Variants in ADAM12 observed in about 807,000 individuals in gnomAD.
ADAM12 encodes ADAM metallopeptidase domain 12.
Under a neutral mutation model 106.4 loss-of-function variants are expected in ADAM12, and 70 were observed. The ratio of observed to expected loss-of-function variants is 0.66; its 90% CI spans 0.54 to 0.80. The LOEUF (loss-of-function observed/expected upper bound fraction) is 0.80. Among genes scored for constraint, ADAM12 ranks in the 30% least tolerant of loss-of-function variants. ADAM12 has a pLI of 0.00. For synonymous variants in ADAM12, 420 were observed against 433.5 expected, an observed-to-expected ratio of 0.97 and a Z score of 0.39; for missense variants, 1,010 against 1,171.9, an observed-to-expected ratio of 0.86 and a Z score of 2.02.
chr10:126,107,063 AAC>A (rs1294935226), intron 8 of ADAM12, among the ~76,000 whole-genome samples: 11 of 152,120 alleles, frequency 7.2e-5, no homozygotes, highest in Admixed American at 2.6e-4. Flanking sequence ...CATGTACACA[AAC>A]ACACATACAT....
At chr10:126,165,626 G>T (rs776252360) in intron 3 of ADAM12, among the ~76,000 whole-genome samples, 15 of 152,154 alleles carry the variant, frequency 9.9e-5, no homozygotes, top group Non-Finnish European at 2.2e-4. Context: ...ACTCTATTTA[G>T]CTCCAAAGAC....
At chr10:126,364,158 C>A (rs1292529704) in intron 1 of ADAM12, among the ~76,000 whole-genome samples, 1 of 151,736 alleles carries the variant, frequency 6.6e-6, no homozygotes, top group African/African-American at 2.4e-5. Flanking sequence ...TTAAAAAAAT[C>A]TATTTGAAAA....
chr10:126,149,354 C>T (rs1022456949), intron 4 of ADAM12, among the ~76,000 whole-genome samples: 12 of 152,152 alleles, frequency 7.9e-5, no homozygotes. Context: ...GTTGTTGAAC[C>T]CCTGTTTCTC....
chr10:126,082,486 A>G (rs1355746714), intron 11 of ADAM12, among the ~76,000 whole-genome samples: 4 of 146,760 alleles, frequency 2.7e-5, no homozygotes, highest in East Asian at 2.1e-4. Context: ...CTCCTGCCTC[A>G]GCTTCCTGAG....
intron 3 of ADAM12, among the ~76,000 whole-genome samples, chr10:126,185,917 G>A (rs192143899): frequency 8.5e-4 from 130 of 152,316 alleles, no homozygotes; most frequent in Admixed American, 2.1e-3. Flanking sequence ...AAATGAACTA[G>A]ATGACCAAAA....
rs573257269 is a variant in ADAM12, at chr10:126,278,658, C to G, written c.260+257G>C. On this transcript the variant is annotated intron_variant, in intron 3 of 22. Transcript: ENST00000448723. Reference sequence around the variant, plus strand: ...TGCTTAAATCAAATCTTTGAACAACCAGGCACTGAAAAAATAAAACATCAG... The same window carrying G: ...TGCTTAAATCAAATCTTTGAACAACGAGGCACTGAAAAAATAAAACATCAG... Among the ~76,000 whole-genome samples the G allele has an allele frequency of 2.6e-5, 4 of 152,110 alleles. No homozygotes were observed. The South Asian group carries it at 6.2e-4, about 24-fold the overall frequency.
chr10:126,246,425 C>A (rs1037695924), intron 3 of ADAM12, among the ~76,000 whole-genome samples: 1 of 152,022 alleles, frequency 6.6e-6, no homozygotes, highest in Non-Finnish European at 1.5e-5. Flanking sequence ...GGCAGAGACA[C>A]AACAAAAAAA....
chr10:126,338,573 C>T (rs1453374179), intron 1 of ADAM12, among the ~76,000 whole-genome samples: 12 of 152,170 alleles, frequency 7.9e-5, no homozygotes, highest in Non-Finnish European at 4.4e-5. Flanking sequence ...TTTTTATAAC[C>T]GTTACTGGTG....
At chr10:126,300,836 G>A in intron 2 of ADAM12, among the ~76,000 whole-genome samples, 1 of 152,164 alleles carries the variant, frequency 6.6e-6, no homozygotes, top group Non-Finnish European at 1.5e-5. Flanking sequence ...CATTGCCGGA[G>A]TATTCCACGA....
chr10:126,226,332 G>T (rs142787090), intron 3 of ADAM12, among the ~76,000 whole-genome samples: 2 of 152,216 alleles, frequency 1.3e-5, no homozygotes, highest in African/African-American at 4.8e-5. Context: ...AGGAGAAGCC[G>T]GGTGGGCATG....
intron 10 of ADAM12, among the ~76,000 whole-genome samples, chr10:126,096,929 A>G (rs1210846742): frequency 6.6e-6 from 1 of 152,164 alleles, no homozygotes; most frequent in Non-Finnish European, 1.5e-5. Context: ...CTTTTTTAAA[A>G]ATAGCCTTCC....
intron 6 of ADAM12, among the ~76,000 whole-genome samples, chr10:126,110,491 G>A (rs549585754): frequency 8.3e-4 from 126 of 151,892 alleles, no homozygotes; most frequent in Non-Finnish European, 1.4e-3. Flanking sequence ...AAAAAAAAAA[G>A]AGCAAAGAGA....
chr10:126,310,813 T>C (rs1961050062), intron 2 of ADAM12, among the ~76,000 whole-genome samples: 1 of 152,174 alleles, frequency 6.6e-6, no homozygotes, highest in Non-Finnish European at 1.5e-5. Context: ...AGGGAAATTA[T>C]TAACATAGTC....
intron 1 of ADAM12, among the ~76,000 whole-genome samples, chr10:126,348,869 A>G (rs1458395921): frequency 6.6e-6 from 1 of 152,212 alleles, no homozygotes; most frequent in Non-Finnish European, 1.5e-5. Flanking sequence ...CCCATGCAAT[A>G]CTGAGGATAT....
At chr10:126,340,841 C>T (rs1216048039) in intron 1 of ADAM12, among the ~76,000 whole-genome samples, 4 of 151,908 alleles carry the variant, frequency 2.6e-5, no homozygotes, top group African/African-American at 9.7e-5. Flanking sequence ...CTCAGCCTCC[C>T]GAGTAGCTGG....
At position 126,066,570 on chromosome 10, in the gene ADAM12, A is replaced by T. The variant is rs1954872895; in HGVS notation, c.1413+147T>A. The T allele has an allele frequency of 4.3e-6, 3 of 694,332 alleles. No homozygotes were observed. Among genetic ancestry groups the T allele is most frequent in the Non-Finnish European group, 7.5e-6 (3 of 400,874 alleles). 43.0% of individuals were successfully genotyped at this position (694,332 alleles called of 1,614,324 possible). A position where few individuals can be genotyped will look rare whatever the true frequency, so the allele number is the denominator to read the frequency against. On this transcript the variant is annotated intron_variant, in intron 13 of 22. Coordinates refer to ENST00000448723, the MANE Select transcript of ADAM12 (RefSeq NM_001288973.2). This position sits in a 1 kb window ranked among gnomAD's most constrained non-coding sequence, Gnocchi z 5.1. ...GGAAGCTAAACAGTAAGAGGTGGGT[A>T]ACACCAACTGGCGTGAGAAGGAGGG...
At chr10:126,295,530 A>AATACACACACACACAC (rs71029298) in intron 2 of ADAM12, among the ~76,000 whole-genome samples, 55,051 of 147,350 alleles carry the variant, frequency 0.37, 10,540 homozygotes, top group Admixed American at 0.46. Context: ...TTACCACAAA[A>AATACACACACACACAC]ATACACACAC....
At chr10:126,146,871 ATG>A (rs1292665693) in intron 4 of ADAM12, among the ~76,000 whole-genome samples, 1 of 152,182 alleles carries the variant, frequency 6.6e-6, no homozygotes, top group Non-Finnish European at 1.5e-5. Context: ...CACTTATGAG[ATG>A]TGCGTGATCT....
At chr10:126,338,783 G>A (rs1854810518) in intron 1 of ADAM12, among the ~76,000 whole-genome samples, 2 of 152,154 alleles carry the variant, frequency 1.3e-5, no homozygotes, top group Non-Finnish European at 2.9e-5. Flanking sequence ...AAGAAATGAT[G>A]TAAGGGGAAA....
Sources: gnomAD v4.1 joint callset for allele counts (sites outside exome capture counted in the v4.1 genomes callset) on GRCh38, gnomAD v4.1.1 for gene constraint, Gnocchi (gnomAD v3.1) non-coding constraint, MANE v1.5 for transcripts, NCBI Gene and HGNC (gene_info 2026-07-23, HGNC 2026-07-21) for gene names.